LRP6: variants seen among roughly 807,000 people sequenced by gnomAD.
LRP6 encodes the protein low-density lipoprotein receptor-related protein 6.
Under a neutral mutation model 184.1 loss-of-function variants are expected in LRP6, and 43 were observed. That is an observed-to-expected ratio of 0.23 (90% CI 0.18 to 0.30). The LOEUF (loss-of-function observed/expected upper bound fraction) is 0.30. Among genes scored for constraint, LRP6 ranks in the 10% least tolerant of loss-of-function variants. The pLI, the probability that LRP6 is intolerant of heterozygous loss-of-function variation, is 1.00. For synonymous variants in LRP6, 719 were observed against 684.9 expected (o/e 1.05, Z -0.78); for missense variants, 1,571 against 2,005.3 (o/e 0.78, Z 4.14).
chr12:12,244,291 G>C lies in LRP6; in HGVS notation c.420C>G (p.Pro140=). The part of the protein sequence containing the change: ...KVLFWQELDQ[P]RAIALDPSSG... ...TTGAAGGATCTAAGGCAATAGCTCT[G>C]GGTTGATCCAACTCTTGCCAAAATA... Residue 140 remains proline, a synonymous_variant, in exon 2 of 23, where the codon CCC becomes CCG. Transcript: ENST00000261349. 6.2e-7 allele frequency: 1 copy of C among 1,614,078 alleles called. No individual in the cohort carries two copies. The highest frequency in any genetic ancestry group is 8.5e-7 in the Non-Finnish European group (1 of 1,180,006).
chr12:12,147,249 A>G, intron 15 of LRP6, 117 bp downstream of exon 15: 1 of 1,146,170 alleles, frequency 8.7e-7, no homozygotes, highest in Non-Finnish European at 1.3e-6. Context: ...TGCTGACTAC[A>G]TTTAATGAAT....
intron 9 of LRP6, 127 bp downstream of exon 9, chr12:12,164,146 C>G: frequency 9.0e-6 from 6 of 666,706 alleles, no homozygotes; most frequent in Non-Finnish European, 1.5e-5. Context: ...AAAAAAAAAA[C>G]TTGAGGGTTT....
chr12:12,184,464 C>T (rs917620849), intron 4 of LRP6, among the ~76,000 whole-genome samples: 1 of 151,418 alleles, frequency 6.6e-6, no homozygotes, highest in Non-Finnish European at 1.5e-5. Flanking sequence ...AGTACAGAGT[C>T]AAATGGGAAA....
Position 12,183,982 on chromosome 12 carries a change from T to C in LRP6, c.974A>G (p.Asp325Gly), listed in dbSNP as rs1863406147. Residue 325 changes from aspartate to glycine, a missense_variant and splice_region_variant, in exon 5 of 23, where the codon GAT becomes GGT. Physicochemically the swap from Asp to Gly is moderately conservative, Grantham distance 94. Around this residue, in one of 4 missense-constraint regions of LRP6, gnomAD observed 640 missense variants for 851.9 expected, o/e 0.75. Transcript: ENST00000261349. Reference protein sequence around the residue: ...KLLENGKTCKDGATELLLLAR... With the variant: ...KLLENGKTCKGGATELLLLAR... ...CATTTTGGATAATATCTTCTTACCA[T>C]CTTTGCAGGTTTTTCCATTCTCCAG... 6.2e-7 allele frequency: 1 copy of C among 1,613,232 alleles called. No individual in the cohort carries two copies. The highest frequency in any genetic ancestry group is 8.5e-7 in the Non-Finnish European group (1 of 1,179,230).
chr12:12,256,638 C>T (rs1284896625), intron 1 of LRP6, among the ~76,000 whole-genome samples: 1 of 152,136 alleles, frequency 6.6e-6, no homozygotes, highest in African/African-American at 2.4e-5. Context: ...CAAACCCCCT[C>T]TCTACTAAAA....
At chr12:12,163,257 C>T (rs1046205870) in intron 9 of LRP6, among the ~76,000 whole-genome samples, 1 of 151,990 alleles carries the variant, frequency 6.6e-6, no homozygotes, top group African/African-American at 2.4e-5. Flanking sequence ...ATTTACAGGC[C>T]TGAGTCACCG....
intron 1 of LRP6, among the ~76,000 whole-genome samples, chr12:12,266,106 C>A (rs1400640752): frequency 6.6e-6 from 1 of 152,142 alleles, no homozygotes; most frequent in African/African-American, 2.4e-5. Flanking sequence ...CTGAAACGCT[C>A]GACCTATAAC....
chr12:12,162,309 C>T lies in LRP6; in HGVS notation c.2163G>A (p.Trp721Ter). 1 of 1,614,114 alleles carries T rather than the reference C, an allele frequency of 6.2e-7. No homozygotes were observed. Among genetic ancestry groups the T allele is most frequent in the Non-Finnish European group, 8.5e-7 (1 of 1,180,012 alleles). ...CAATTCGATTCGTTCCTGTGTCTGC[C>T]CAGTACAAGTTCTTCCCAAGCCAGT... ...AVDWLGKNLYWADTGTNRIEV... is the reference protein window; with the variant it reads ...AVDWLGKNLY The change falls in exon 10 of 23, where the codon TGG becomes TGA. Residue 721 changes from tryptophan to a stop codon, truncating the protein, a stop_gained. Coordinates refer to ENST00000261349, the MANE Select transcript of LRP6 (RefSeq NM_002336.3). LOFTEE classifies it high-confidence loss of function.
rs369068209 is a variant in LRP6, at chr12:12,138,309, T to A, written c.3607+16A>T. On this transcript the variant is annotated intron_variant, in intron 16 of 22. Transcript: ENST00000261349. ...CACATGATTCCTCCAATTAGCTTTA[T>A]CCCATTAACACTTACTGTATTCTTG... 3.1e-6 allele frequency: 5 copies of A among 1,590,116 alleles called. No individual in the cohort carries two copies. In the South Asian group the frequency reaches 3.3e-5, roughly 11 times the overall value.
At chr12:12,150,497 T>C (rs1395691515) in intron 13 of LRP6, among the ~76,000 whole-genome samples, 1 of 152,200 alleles carries the variant, frequency 6.6e-6, no homozygotes, top group Non-Finnish European at 1.5e-5. Flanking sequence ...GGGATAGAGC[T>C]GGAATCAGAA....
chr12:12,152,681 T>G (rs1264375872), intron 12 of LRP6, among the ~76,000 whole-genome samples: 1 of 152,236 alleles, frequency 6.6e-6, no homozygotes, highest in Non-Finnish European at 1.5e-5. Flanking sequence ...AATTATACTC[T>G]ATTTTCTTAG....
At position 12,181,480 on chromosome 12, in the gene LRP6, G is replaced by A. The variant is rs74061124; in HGVS notation, c.977-41C>T. ...GAAATGAAGAATACTTTGAAACCCAGAGGTAAAATTTACCTGCTCTAGATA... is the reference window on the plus strand; with the variant it reads ...GAAATGAAGAATACTTTGAAACCCAAAGGTAAAATTTACCTGCTCTAGATA... On this transcript the variant is annotated intron_variant, in intron 5 of 22. Coordinates refer to ENST00000261349, the MANE Select transcript of LRP6 (RefSeq NM_002336.3). 5,882 of 916,204 alleles carry A rather than the reference G, an allele frequency of 6.4e-3. 136 individuals are homozygous for A. The highest frequency in any genetic ancestry group is 0.064 in the African/African-American group (3,962 of 62,352). The allele number at this position is 916,204 out of a possible 1,614,324, so 56.8% of individuals were successfully genotyped here. A position where few individuals can be genotyped will look rare whatever the true frequency, so the allele number is the denominator to read the frequency against.
rs1865441920 is a variant in LRP6, at chr12:12,255,587, T to TTTG, written c.56-10933_56-10932insCAA. ...GTCACTTTTTTTTTTTTTTTTTTTT[T>TTTG]TGAGACAGAGTCTCACTCTGCCATC... is the stretch of plus-strand genomic sequence containing the variant. On this transcript the variant is annotated intron_variant, in intron 1 of 22. Transcript: ENST00000261349. 5.4e-5 allele frequency among the ~76,000 whole-genome samples: 8 copies of TTTG among 149,382 alleles called. No individual in the cohort carries two copies. The South Asian group carries it at 1.7e-3, about 32-fold the overall frequency.
Position 12,168,927 on chromosome 12 carries a change from A to G in LRP6, c.1546-3632T>C, listed in dbSNP as rs1318104620. On this transcript the variant is annotated intron_variant, in intron 7 of 22. Transcript: ENST00000261349. ...GCACTATTTATAGCCAAACATGTTA[A>G]TATTTCTGCAATAAAACACGGCCAG... 5.9e-5 allele frequency among the ~76,000 whole-genome samples: 9 copies of G among 152,058 alleles called. No individual in the cohort carries two copies. In the East Asian group the frequency reaches 1.7e-3, roughly 29 times the overall value.
In LRP6 at chr12:12,135,241, C is replaced by T. The variant is rs771545505; in HGVS notation, c.3667G>A (p.Asp1223Asn). The change falls in exon 17 of 23, where the codon GAT (aspartate) becomes AAT (asparagine). Residue 1223 changes from aspartate (D) to asparagine (N), a missense_variant. Physicochemically the swap from Asp to Asn is conservative, Grantham distance 23. This residue lies in a region of LRP6 where 763 missense variants were observed against 859.5 expected (regional missense o/e 0.89). Coordinates refer to ENST00000261349, the MANE Select transcript of LRP6 (RefSeq NM_002336.3). ...GCSHICLVKGDGTTRCSCPMH... is the reference protein window; with the variant it reads ...GCSHICLVKGNGTTRCSCPMH... ...GGGCAAGAACACCTTGTAGTACCAT[C>T]CCCCTTTACAAGACAAATATGTGAA... 6.2e-7 allele frequency: 1 copy of T among 1,613,854 alleles called. No homozygotes were observed. Among genetic ancestry groups the T allele is most frequent in the Non-Finnish European group, 8.5e-7 (1 of 1,179,902 alleles).
chr12:12,162,376 A>G lies in LRP6; in HGVS notation c.2096T>C (p.Val699Ala). 2 of 1,614,198 alleles carry G rather than the reference A, an allele frequency of 1.2e-6. No individual in the cohort carries two copies. The highest frequency in any genetic ancestry group is 1.1e-5 in the South Asian group (1 of 91,086). ...TGGATAATCTAAGCCGAATTCTACCACATGTTCCAGTGCACTGCCATTCAT... is the reference window on the plus strand; with the variant it reads ...TGGATAATCTAAGCCGAATTCTACCGCATGTTCCAGTGCACTGCCATTCAT... The part of the protein sequence containing the change: ...AFMNGSALEH[V>A]VEFGLDYPEG... Residue 699 changes from valine to alanine, a missense_variant, in exon 10 of 23, where the codon GTG becomes GCG. Val to Ala is a moderately conservative substitution (Grantham distance 64). This residue lies in a region of LRP6 where 10 missense variants were observed against 35.5 expected (regional missense o/e 0.28). Transcript: ENST00000261349.
intron 7 of LRP6, among the ~76,000 whole-genome samples, chr12:12,174,011 T>A (rs1332597963): frequency 6.6e-6 from 1 of 152,204 alleles, no homozygotes; most frequent in Non-Finnish European, 1.5e-5. Context: ...ATATCCATAC[T>A]AACATACAGT....
intron 22 of LRP6, 55 bp downstream of exon 22, chr12:12,124,510 A>G (rs907854526): frequency 7.6e-7 from 1 of 1,310,280 alleles, no homozygotes; most frequent in Non-Finnish European, 1.1e-6. Flanking sequence ...CAGGTCCACA[A>G]CTGAAACACT....
intron 3 of LRP6, among the ~76,000 whole-genome samples, chr12:12,189,305 G>T (rs910127347): frequency 6.6e-6 from 1 of 152,068 alleles, no homozygotes; most frequent in Admixed American, 6.5e-5. Context: ...AATAACATAC[G>T]CAAAAGCCAT....
Sources: allele counts gnomAD v4.1 joint callset (sites outside exome capture counted in the v4.1 genomes callset), GRCh38; gene constraint gnomAD v4.1.1; regional missense constraint gnomAD v4.1.1; transcripts MANE v1.5; gene names NCBI Gene and HGNC (gene_info 2026-07-23, HGNC 2026-07-21).